RAP1A: variants seen among roughly 807,000 people sequenced by gnomAD.
The protein encoded by RAP1A is RAP1A, member of RAS oncogene family.
Under a neutral mutation model 26.4 loss-of-function variants are expected in RAP1A, and 6 were observed. That is an observed-to-expected ratio of 0.23 (90% CI 0.12 to 0.45). RAP1A has a LOEUF of 0.45. Ranked by LOEUF, RAP1A falls within the 20% of genes least tolerant of loss-of-function variation. RAP1A has a pLI of 0.99. For missense variants in RAP1A, 121 were observed against 217.2 expected, an observed-to-expected ratio of 0.56 and a Z score of 2.78; for synonymous variants, 73 against 79.4, an observed-to-expected ratio of 0.92 and a Z score of 0.43.
At chr1:111,571,439 C>A (rs1201211565) in intron 1 of RAP1A, among the ~76,000 whole-genome samples, 1 of 152,182 alleles carries the variant, frequency 6.6e-6, no homozygotes, top group Non-Finnish European at 1.5e-5. Context: ...AGCCTCCATC[C>A]TGGAGATATC....
At chr1:111,547,989 GC>G (rs1026602208) in intron 1 of RAP1A, among the ~76,000 whole-genome samples, 2 of 152,152 alleles carry the variant, frequency 1.3e-5, no homozygotes, top group African/African-American at 4.8e-5. Flanking sequence ...GTTCACTTTT[GC>G]TTTGACTGGA....
At chr1:111,612,756 T>TATAA (rs1249408788) in intron 1 of RAP1A, among the ~76,000 whole-genome samples, 3 of 152,238 alleles carry the variant, frequency 2.0e-5, no homozygotes, top group African/African-American at 7.2e-5. Flanking sequence ...TTTATAGAAT[T>TATAA]ACCTCTATAG....
intron 6 of RAP1A, among the ~76,000 whole-genome samples, chr1:111,708,703 A>G (rs7552250): frequency 0.054 from 8,161 of 152,350 alleles, 255 homozygotes; most frequent in South Asian, 0.087. Context: ...CTTAGGAACA[A>G]CTTAACTGTT....
chr1:111,700,954 G>T lies in RAP1A; in HGVS notation c.184-2382G>T, dbSNP rs185691078. On this transcript the variant is annotated intron_variant, in intron 4 of 7. Transcript: ENST00000369709. The stretch of plus-strand genomic sequence containing the variant: ...TGGTCTAAACAGTTGTCATCTCTCA[G>T]CTGGATTATTTCAATAACCTCAAAA... Among the ~76,000 whole-genome samples the T allele has an allele frequency of 8.5e-4, 130 of 152,198 alleles. No individual in the cohort carries two copies. The Middle Eastern group carries it at 0.01, about 12-fold the overall frequency.
chr1:111,662,381 C>G (rs969300979), intron 1 of RAP1A, among the ~76,000 whole-genome samples: 53 of 117,556 alleles, frequency 4.5e-4, no homozygotes, highest in Admixed American at 6.8e-4. Context: ...GGCGAAAGAG[C>G]GAGACTCCAT....
chr1:111,556,876 A>C (rs1657510710), intron 1 of RAP1A, among the ~76,000 whole-genome samples: 1 of 151,044 alleles, frequency 6.6e-6, no homozygotes. Flanking sequence ...TACACTTAGA[A>C]ATAGTTAAAA....
rs1360371749 is a variant in RAP1A at position 111,714,618 on chromosome 1, C to G, written c.*2217C>G. 1 of 152,172 alleles carries G rather than the reference C, an allele frequency of 6.6e-6. No homozygotes were observed. The highest frequency in any genetic ancestry group is 1.5e-5 in the Non-Finnish European group (1 of 68,032). 9.4% of individuals were successfully genotyped at this position (152,172 alleles called of 1,614,324 possible). On this transcript the variant is annotated 3_prime_UTR_variant, in exon 8 of 8. Coordinates refer to ENST00000369709, the MANE Select transcript of RAP1A (RefSeq NM_002884.4). ...TGGAACTGTCAAGAAAAACGCCTTT[C>G]TGGCACACAGTGATATGCAGAGCAG... is the stretch of plus-strand genomic sequence containing the variant.
intron 1 of RAP1A, among the ~76,000 whole-genome samples, chr1:111,567,730 C>T (rs537556062): frequency 6.6e-6 from 1 of 152,314 alleles, no homozygotes; most frequent in South Asian, 2.1e-4. Flanking sequence ...CCCACCACAA[C>T]CCCCAACCTC....
chr1:111,702,482 A>G (rs900994952), intron 4 of RAP1A, among the ~76,000 whole-genome samples: 2 of 152,204 alleles, frequency 1.3e-5, no homozygotes, highest in Non-Finnish European at 2.9e-5. Context: ...AAATTTAACT[A>G]AAGGGGATAG....
intron 1 of RAP1A, chr1:111,604,746 T>C (rs1417733862): frequency 6.6e-6 from 1 of 152,226 alleles, no homozygotes; most frequent in Non-Finnish European, 1.5e-5. Context: ...TATAAATTCA[T>C]CCTCAAAATA....
intron 1 of RAP1A, among the ~76,000 whole-genome samples, chr1:111,681,022 G>A (rs1434629402): frequency 4.6e-5 from 7 of 152,142 alleles, no homozygotes; most frequent in Admixed American, 4.6e-4. Context: ...TGAGGCAGAC[G>A]GATCGTGAGG....
chr1:111,671,599 C>T (rs990977039), intron 1 of RAP1A, among the ~76,000 whole-genome samples: 2 of 152,058 alleles, frequency 1.3e-5, no homozygotes, highest in South Asian at 2.1e-4. Context: ...CTCAGCCTCC[C>T]GGGTAGCTGG....
At chr1:111,610,219 T>C (rs115043234) in intron 1 of RAP1A, among the ~76,000 whole-genome samples, 1,576 of 152,292 alleles carry the variant, frequency 0.01, 20 homozygotes, top group African/African-American at 0.036. Context: ...TTACATATTC[T>C]TGTGAATTCT....
exon 1 of RAP1A, chr1:111,542,344 T>C: frequency 2.5e-6 from 1 of 399,182 alleles, no homozygotes; most frequent in African/African-American, 2.0e-5. Flanking sequence ...TGTGGCTCCT[T>C]CCACGTGGGT....
chr1:111,558,662 T>A (rs561708483), intron 1 of RAP1A, among the ~76,000 whole-genome samples: 61 of 152,292 alleles, frequency 4.0e-4, no homozygotes, highest in Non-Finnish European at 2.1e-4. Context: ...CTAAAATAAA[T>A]GGGTTACTAC....
chr1:111,711,833 A>C (rs1266846453), intron 7 of RAP1A, among the ~76,000 whole-genome samples: 1 of 152,198 alleles, frequency 6.6e-6, no homozygotes, highest in Non-Finnish European at 1.5e-5. Flanking sequence ...CCCAGTTTTA[A>C]AGACATCTGA....
intron 1 of RAP1A, among the ~76,000 whole-genome samples, chr1:111,678,297 G>T (rs968018191): frequency 6.6e-6 from 1 of 152,144 alleles, no homozygotes; most frequent in Admixed American, 6.5e-5. Flanking sequence ...GCCATGTTTT[G>T]TAGTTTTGGT....
chr1:111,565,717 T>G (rs931099985), intron 1 of RAP1A, among the ~76,000 whole-genome samples: 1 of 152,254 alleles, frequency 6.6e-6, no homozygotes, highest in African/African-American at 2.4e-5. Flanking sequence ...CTACTTCTAC[T>G]TTTGTCATTG....
chr1:111,626,414 TAC>T (rs906729823), intron 1 of RAP1A, among the ~76,000 whole-genome samples: 5 of 151,780 alleles, frequency 3.3e-5, no homozygotes, highest in African/African-American at 1.2e-4. Flanking sequence ...TGCATGTATA[TAC>T]ACACGTTGTA....
Sources: gnomAD v4.1 joint callset for allele counts (sites outside exome capture counted in the v4.1 genomes callset) on GRCh38, gnomAD v4.1.1 for gene constraint, MANE v1.5 for transcripts, NCBI Gene and HGNC (gene_info 2026-07-23, HGNC 2026-07-21) for gene names.